SH3D21: variants seen among roughly 807,000 people sequenced by gnomAD.
The protein encoded by SH3D21 is SH3 domain-containing protein 21.
SH3D21 carries 83 observed loss-of-function variants against 82.1 expected under a neutral mutation model. The ratio of observed to expected loss-of-function variants is 1.01; its 90% confidence interval spans 0.85 to 1.21. The LOEUF (loss-of-function observed/expected upper bound fraction) is 1.21. SH3D21 is among the 50% of genes most tolerant of loss of function. The pLI is 0.00. For missense variants in SH3D21, 980 were observed against 962.1 expected (o/e 1.02, Z -0.25); for synonymous variants, 383 against 387.8 (o/e 0.99, Z 0.15).
chr1:36,307,408 G>A lies in SH3D21; in HGVS notation c.346-109G>A. On this transcript the variant is annotated intron_variant, in intron 4 of 15. Transcript: ENST00000453908. This position sits in a 1 kb window ranked among gnomAD's most constrained non-coding sequence, Gnocchi z 5.4. ...CGACGGTGCAGATACGGGGAAGCGC[G>A]GGAGGGAAGGAGGGAGGAAGGGGCG... 6.7e-7 allele frequency: 1 copy of A among 1,503,604 alleles called. No homozygotes were observed. Among genetic ancestry groups the A allele is most frequent in the Admixed American group, 2.0e-5 (1 of 49,828 alleles). 93.1% of individuals were successfully genotyped at this position (1,503,604 alleles called of 1,614,324 possible). A position where few individuals can be genotyped will look rare whatever the true frequency, so the allele number is the denominator to read the frequency against.
chr1:36,308,561 T>C (rs1646177246), intron 9 of SH3D21, 86 bp downstream of exon 9: 2 of 1,099,000 alleles, frequency 1.8e-6, no homozygotes, highest in Admixed American at 4.2e-5. Context: ...CGGACCTAGC[T>C]GGAGGGTCAC....
chr1:36,329,700 CAATG>C (rs1646575335), downstream of SH3D21, among the ~76,000 whole-genome samples: 1 of 150,006 alleles, frequency 6.7e-6, no homozygotes, highest in South Asian at 2.1e-4. Flanking sequence ...GTGATGAACA[CAATG>C]AAAAAAAAAA....
intron 10 of SH3D21, among the ~76,000 whole-genome samples, chr1:36,314,139 C>A (rs1051593007): frequency 6.6e-6 from 1 of 150,778 alleles, no homozygotes; most frequent in Non-Finnish European, 1.5e-5. Flanking sequence ...CCACACCCAG[C>A]TAATTTTTTG....
At chr1:36,322,929 G>T, downstream of SH3D21, 1 of 1,602,600 alleles carries the variant, frequency 6.2e-7, no homozygotes, top group South Asian at 1.1e-5. Context: ...ATGGTGGTCA[G>T]GGAAGGGTTC....
chr1:36,322,435 C>G (rs1406191655), downstream of SH3D21: 7 of 1,603,736 alleles, frequency 4.4e-6, no homozygotes, highest in East Asian at 1.1e-4. Flanking sequence ...TGCGCCCGCT[C>G]CAGCTCCTCC....
At chr1:36,328,897 G>A (rs572728335), downstream of SH3D21, 1 of 152,494 alleles carries the variant, frequency 6.6e-6, no homozygotes, top group South Asian at 2.1e-4. Context: ...GGAACCCTGT[G>A]CAGTTTGTAG....
rs938466531 is a variant in SH3D21, at chr1:36,307,537, G to C, written c.366G>C (p.Leu122=). 1 of 1,551,694 alleles carries C rather than the reference G, an allele frequency of 6.4e-7. No individual in the cohort carries two copies. The highest frequency in any genetic ancestry group is 8.7e-7 in the Non-Finnish European group (1 of 1,146,986). ...MIKEIEDGWW[L]GKKNGQLGAF... is the part of the protein sequence containing the mutation. ...CCCAGATTGAGGACGGCTGGTGGCT[G>C]GGGAAGAAGAACGGGCAGCTGGGAG... The change falls in exon 5 of 16, where the codon CTG becomes CTC. Residue 122 remains leucine (L), a synonymous_variant. Coordinates refer to ENST00000453908, the MANE Select transcript of SH3D21 (RefSeq NM_001162530.2). This position sits in a 1 kb window ranked among gnomAD's most constrained non-coding sequence, Gnocchi z 5.4.
intron 9 of SH3D21, among the ~76,000 whole-genome samples, 197 bp downstream of exon 9, chr1:36,308,672 T>G (rs1646179425): frequency 6.6e-6 from 1 of 152,184 alleles, no homozygotes; most frequent in Non-Finnish European, 1.5e-5. Flanking sequence ...TGTTTCGGAT[T>G]TGGGAATTTT....
downstream of SH3D21, chr1:36,324,423 G>A (rs1004889841): frequency 3.9e-5 from 6 of 152,270 alleles, no homozygotes; most frequent in African/African-American, 1.2e-4. Flanking sequence ...TGTGATCAGT[G>A]TGTGTGGCGG....
chr1:36,328,057 T>A (rs1167660192), downstream of SH3D21: 6 of 465,220 alleles, frequency 1.3e-5, no homozygotes, highest in Non-Finnish European at 2.6e-5. Context: ...ATCTGCTGTC[T>A]GCTCACCTGC....
intron 10 of SH3D21, among the ~76,000 whole-genome samples, chr1:36,317,889 G>A (rs1458667000): frequency 6.6e-6 from 1 of 152,120 alleles, no homozygotes; most frequent in East Asian, 1.9e-4. Flanking sequence ...TGTCAGTCAC[G>A]CTTAATAACT....
intron 9 of SH3D21, 186 bp from the exon 10 acceptor site, chr1:36,309,362 A>C: frequency 1.7e-6 from 1 of 582,082 alleles, no homozygotes. Flanking sequence ...ACATCCAGCT[A>C]ATTTTTGTAT....
At chr1:36,326,207 G>C (rs1646542733), downstream of SH3D21, among the ~76,000 whole-genome samples, 1 of 149,962 alleles carries the variant, frequency 6.7e-6, no homozygotes. Flanking sequence ...CGATGGCCTT[G>C]TTGATGAGCT....
At chr1:36,315,140 G>A (rs1470993006) in intron 10 of SH3D21, among the ~76,000 whole-genome samples, 1 of 151,858 alleles carries the variant, frequency 6.6e-6, no homozygotes, top group East Asian at 2.0e-4. Flanking sequence ...GCAGGGCGTG[G>A]TGGCGGGCAC....
chr1:36,319,370 T>C lies in SH3D21; in HGVS notation c.916+58T>C. The C allele has an allele frequency of 5.2e-6, 8 of 1,550,606 alleles. No individual in the cohort carries two copies. The South Asian group carries it at 9.5e-5, about 18-fold the overall frequency. On this transcript the variant is annotated intron_variant, in intron 12 of 15. Coordinates refer to ENST00000453908, the MANE Select transcript of SH3D21 (RefSeq NM_001162530.2). ...CTGGAGGACAGGGATGGGGTGGCTG[T>C]GCGGAGGGACAGAGGTGGGAAGAGA...
intron 10 of SH3D21, among the ~76,000 whole-genome samples, chr1:36,313,634 C>T (rs913178304): frequency 6.6e-6 from 1 of 152,028 alleles, no homozygotes; most frequent in Admixed American, 6.6e-5. Flanking sequence ...TGTGGTGGCA[C>T]AATGGGAGCT....
At position 36,321,067 on chromosome 1, in the gene SH3D21, G is replaced by T. The variant is rs765938079; in HGVS notation, c.2211G>T (p.Met737Ile). The T allele has an allele frequency of 9.9e-6, 16 of 1,612,014 alleles. No homozygotes were observed. The highest frequency in any genetic ancestry group is 1.3e-5 in the Non-Finnish European group (15 of 1,179,362). ...EQRRRLEVQV[M>I]QGTQKSQTPR... ...TCACTCCCGACCAGGTCCAGGTGAT[G>T]CAGGGGACCCAGAAGTCCCAGACCC... Residue 737 changes from methionine to isoleucine, a missense_variant, in exon 16 of 16, where the codon ATG (methionine) becomes ATT (isoleucine). Coordinates refer to ENST00000453908, the MANE Select transcript of SH3D21 (RefSeq NM_001162530.2). This position sits in a 1 kb window ranked among gnomAD's most constrained non-coding sequence, Gnocchi z 6.1.
rs1369162988 is a variant in SH3D21, at chr1:36,320,761, C to CT, written c.2099dup (p.Arg701LysfsTer86). ...GTCGCTGAGGGGCGAGGTGGAGTCTCTAAGGAGGGCGCTGGAGCTGATGGA... is the reference window on the plus strand; with the variant it reads ...GTCGCTGAGGGGCGAGGTGGAGTCTCTTAAGGAGGGCGCTGGAGCTGATGGA... On this transcript the variant is annotated frameshift_variant, in exon 14 of 16. Transcript: ENST00000453908. LOFTEE classifies it high-confidence loss of function. 3.3e-5 allele frequency: 53 copies of CT among 1,590,988 alleles called. No homozygotes were observed. The highest frequency in any genetic ancestry group is 4.5e-5 in the Non-Finnish European group (53 of 1,168,534).
At chr1:36,318,689 C>T (rs1240146591) in intron 10 of SH3D21, among the ~76,000 whole-genome samples, 6 of 151,816 alleles carry the variant, frequency 4.0e-5, no homozygotes, top group African/African-American at 1.2e-4. Context: ...AGGTGGATCA[C>T]GAGATCAGGA....
Sources: allele counts gnomAD v4.1 joint callset (sites outside exome capture counted in the v4.1 genomes callset), GRCh38; gene constraint gnomAD v4.1.1; non-coding constraint Gnocchi (gnomAD v3.1); transcripts MANE v1.5; gene names NCBI Gene and HGNC (gene_info 2026-07-23, HGNC 2026-07-21).